HGSNAT: variants seen among roughly 807,000 people sequenced by gnomAD.
The protein encoded by HGSNAT is heparan-alpha-glucosaminide N-acetyltransferase.
A neutral mutation model predicts 85.2 loss-of-function variants in HGSNAT; 59 were observed. The observed-to-expected ratio is 0.69, with a 90% confidence interval of 0.56 to 0.86. HGSNAT has a LOEUF of 0.86. HGSNAT is among the 40% of genes least tolerant of loss of function. The pLI is 0.00. For synonymous variants in HGSNAT, 321 were observed against 304.5 expected, an observed-to-expected ratio of 1.05 and a Z score of -0.56; for missense variants, 756 against 777.1, an observed-to-expected ratio of 0.97 and a Z score of 0.32.
At chr8:43,179,560 CG>C (rs1432669234) in intron 10 of HGSNAT, among the ~76,000 whole-genome samples, 1 of 122,490 alleles carries the variant, frequency 8.2e-6, no homozygotes, top group Non-Finnish European at 1.7e-5. Flanking sequence ...CCCTCCCGGA[CG>C]GGGCGGCTGG....
At chr8:43,199,363 T>G in intron 17 of HGSNAT, 25 bp from the exon 18 acceptor site, 1 of 1,497,366 alleles carries the variant, frequency 6.7e-7, no homozygotes, top group Non-Finnish European at 9.2e-7. Context: ...AGAAACATGA[T>G]CTTCTGTATG....
At chr8:43,195,553 A>C (rs1462691858) in intron 14 of HGSNAT, among the ~76,000 whole-genome samples, 1 of 137,694 alleles carries the variant, frequency 7.3e-6, no homozygotes, top group Non-Finnish European at 1.6e-5. Flanking sequence ...GTAGAGGAGG[A>C]GGAGGATGAG....
At chr8:43,142,923 A>G (rs1274904310) in intron 1 of HGSNAT, among the ~76,000 whole-genome samples, 2 of 152,234 alleles carry the variant, frequency 1.3e-5, no homozygotes, top group Admixed American at 6.5e-5. Flanking sequence ...TACTTATTCC[A>G]TCTACGAAGG....
intron 1 of HGSNAT, among the ~76,000 whole-genome samples, chr8:43,146,213 G>C (rs1586697291): frequency 6.6e-6 from 1 of 152,062 alleles, no homozygotes; most frequent in Admixed American, 6.5e-5. Flanking sequence ...TTCAGACTGA[G>C]GCTTGTCTTA....
chr8:43,165,234 C>T (rs1187087491), intron 5 of HGSNAT, among the ~76,000 whole-genome samples: 1 of 151,918 alleles, frequency 6.6e-6, no homozygotes, highest in Non-Finnish European at 1.5e-5. Flanking sequence ...TTATGGTGAT[C>T]TGTGATCAAT....
chr8:43,148,727 A>G (rs1224118320), intron 2 of HGSNAT, among the ~76,000 whole-genome samples: 1 of 147,504 alleles, frequency 6.8e-6, no homozygotes, highest in Non-Finnish European at 1.5e-5. Context: ...GTGGAGGCGG[A>G]GGTTGCAGTG....
intron 9 of HGSNAT, chr8:43,174,276 T>C (rs925089036): frequency 6.6e-6 from 1 of 152,130 alleles, no homozygotes. Flanking sequence ...TTAGTGTAGA[T>C]ATGGTATGCC....
intron 7 of HGSNAT, 120 bp downstream of exon 7, chr8:43,170,814 G>A: frequency 1.6e-6 from 1 of 624,226 alleles, no homozygotes; most frequent in Non-Finnish European, 2.7e-6. Flanking sequence ...AGGCTAGGAA[G>A]GATTTCTTGG....
At chr8:43,144,731 G>A (rs914613100) in intron 1 of HGSNAT, among the ~76,000 whole-genome samples, 1 of 152,108 alleles carries the variant, frequency 6.6e-6, no homozygotes, top group African/African-American at 2.4e-5. Context: ...TTATTTTGCT[G>A]AAAGCTTTAT....
chr8:43,171,779 G>A (rs1803632239), intron 7 of HGSNAT, among the ~76,000 whole-genome samples: 1 of 152,206 alleles, frequency 6.6e-6, no homozygotes, highest in Admixed American at 6.5e-5. Flanking sequence ...GCTGGGCACT[G>A]GTTAGCTGCT....
intron 12 of HGSNAT, 28 bp from the exon 13 acceptor site, chr8:43,192,276 C>A: frequency 5.7e-6 from 9 of 1,591,872 alleles, no homozygotes; most frequent in Non-Finnish European, 7.7e-6. Context: ...GAGGTCTTGT[C>A]ATTTACATAT....
At chr8:43,158,494 C>T in intron 2 of HGSNAT, 81 bp from the exon 3 acceptor site, 3 of 1,417,510 alleles carry the variant, frequency 2.1e-6, no homozygotes, top group Non-Finnish European at 3.0e-6. Context: ...TCAGGATCTC[C>T]AGTTGGATAT....
At chr8:43,163,277 A>C (rs1249684523) in intron 5 of HGSNAT, among the ~76,000 whole-genome samples, 1 of 152,142 alleles carries the variant, frequency 6.6e-6, no homozygotes, top group East Asian at 1.9e-4. Flanking sequence ...TACTCTTTGC[A>C]CATGATGCTG....
At chr8:43,178,559 A>T (rs540865820) in intron 10 of HGSNAT, among the ~76,000 whole-genome samples, 1 of 149,608 alleles carries the variant, frequency 6.7e-6, no homozygotes, top group South Asian at 2.1e-4. Context: ...TTGGTCTCCA[A>T]CTTTGCCCCC....
chr8:43,182,467 A>G (rs1469499003), intron 11 of HGSNAT: 6 of 606,042 alleles, frequency 9.9e-6, no homozygotes, highest in Non-Finnish European at 9.0e-6. Flanking sequence ...TTGTTGATAC[A>G]GGGTCTTGCT....
chr8:43,169,074 A>G (rs1456424663), intron 5 of HGSNAT, 99 bp from the exon 6 acceptor site: 3 of 603,536 alleles, frequency 5.0e-6, no homozygotes, highest in Non-Finnish European at 8.2e-6. Context: ...ACTTAGTAAT[A>G]TAGAATATGA....
intron 3 of HGSNAT, 49 bp from the exon 4 acceptor site, chr8:43,158,874 C>A (rs1266662284): frequency 6.4e-7 from 1 of 1,571,524 alleles, no homozygotes; most frequent in South Asian, 1.2e-5. Flanking sequence ...AATCCAACTT[C>A]TTATTTTCTA....
intron 13 of HGSNAT, among the ~76,000 whole-genome samples, chr8:43,192,985 C>T (rs1804592718): frequency 6.6e-6 from 1 of 152,142 alleles, no homozygotes; most frequent in African/African-American, 2.4e-5. Context: ...TGTAGGTAGC[C>T]CCAGCAAAGG....
At chr8:43,141,921 G>A (rs1322042221) in intron 1 of HGSNAT, among the ~76,000 whole-genome samples, 1 of 152,174 alleles carries the variant, frequency 6.6e-6, no homozygotes, top group Admixed American at 6.5e-5. Flanking sequence ...TTAGAGAGAG[G>A]TGGTTTGTAA....
Sources: allele counts gnomAD v4.1 joint callset (sites outside exome capture counted in the v4.1 genomes callset), GRCh38; gene constraint gnomAD v4.1.1; transcripts MANE v1.5; gene names NCBI Gene and HGNC (gene_info 2026-07-23, HGNC 2026-07-21).